The following MACROD2 variants were observed in gnomAD, a reference collection of about 807,000 sequenced individuals.
The protein encoded by MACROD2 is mono-ADP ribosylhydrolase 2.
MACROD2 carries 36 observed loss-of-function variants against 70.4 expected under a neutral mutation model. The observed-to-expected ratio is 0.51, with a 90% CI of 0.39 to 0.68. The LOEUF is 0.68. MACROD2 is among the 30% of genes least tolerant of loss of function. The probability of loss-of-function intolerance (pLI) is 0.00; values close to 1 mark genes in which losing one functional copy is unlikely to be tolerated. For synonymous variants in MACROD2, 172 were observed against 178.8 expected (o/e 0.96, Z 0.30); for missense variants, 496 against 538.4 (o/e 0.92, Z 0.78).
At chr20:15,150,062 T>C (rs1054798146) in intron 5 of MACROD2, among the ~76,000 whole-genome samples, 1 of 151,958 alleles carries the variant, frequency 6.6e-6, no homozygotes, top group Non-Finnish European at 1.5e-5. Flanking sequence ...GAAGGTGCTG[T>C]AGTTTGAGAG....
chr20:15,716,933 C>T (rs976784996), intron 8 of MACROD2, among the ~76,000 whole-genome samples: 2 of 152,122 alleles, frequency 1.3e-5, no homozygotes, highest in African/African-American at 4.8e-5. Context: ...GTTCCATGAC[C>T]TGCTCACACT....
chr20:15,099,511 G>A (rs1330496265), intron 5 of MACROD2, among the ~76,000 whole-genome samples: 1 of 152,198 alleles, frequency 6.6e-6, no homozygotes, highest in East Asian at 1.9e-4. Flanking sequence ...ATTTGATCTT[G>A]GATCCCTCAG....
intron 4 of MACROD2, among the ~76,000 whole-genome samples, chr20:14,606,663 C>T (rs1297662327): frequency 1.3e-5 from 2 of 152,002 alleles, no homozygotes; most frequent in Admixed American, 1.3e-4. Flanking sequence ...TTTTCTGTAC[C>T]AATAATAACT....
At chr20:14,237,220 A>G (rs2081883602) in intron 3 of MACROD2, among the ~76,000 whole-genome samples, 1 of 152,010 alleles carries the variant, frequency 6.6e-6, no homozygotes, top group Non-Finnish European at 1.5e-5. Context: ...GTTGTTATGG[A>G]ATTTCATTAC....
chr20:15,571,471 C>T (rs2048375462), intron 8 of MACROD2, among the ~76,000 whole-genome samples: 1 of 151,760 alleles, frequency 6.6e-6, no homozygotes, highest in South Asian at 2.1e-4. Context: ...ATACACCCTA[C>T]TAATTGCATT....
intron 5 of MACROD2, among the ~76,000 whole-genome samples, chr20:14,741,214 C>A (rs186691023): frequency 6.6e-6 from 1 of 152,230 alleles, no homozygotes; most frequent in African/African-American, 2.4e-5. Flanking sequence ...ATTGTATGTG[C>A]AAAATTATTA....
At chr20:15,619,226 C>T (rs1413196179) in intron 8 of MACROD2, among the ~76,000 whole-genome samples, 1 of 152,194 alleles carries the variant, frequency 6.6e-6, no homozygotes, top group Non-Finnish European at 1.5e-5. Flanking sequence ...GCATTCCAGT[C>T]CCTAAGCAAG....
At chr20:14,532,384 ATTT>A (rs554244215) in intron 4 of MACROD2, among the ~76,000 whole-genome samples, 1 of 141,510 alleles carries the variant, frequency 7.1e-6, no homozygotes, top group Admixed American at 7.1e-5. Flanking sequence ...TGCCCGGCTA[ATTT>A]TTTTTTTTTT....
intron 5 of MACROD2, among the ~76,000 whole-genome samples, chr20:14,892,106 A>T (rs2073768676): frequency 1.3e-5 from 2 of 152,176 alleles, no homozygotes; most frequent in Non-Finnish European, 2.9e-5. Flanking sequence ...TTTTCATGAC[A>T]TACCAAACTA....
chr20:15,459,585 A>G (rs1459229924), intron 7 of MACROD2, among the ~76,000 whole-genome samples: 1 of 152,070 alleles, frequency 6.6e-6, no homozygotes, highest in Admixed American at 6.6e-5. Flanking sequence ...CTAAAGAATT[A>G]CGGCTGCCTG....
intron 3 of MACROD2, among the ~76,000 whole-genome samples, chr20:14,417,047 TATCTATCTATCTATCTATC>T (rs201221219): frequency 0.22 from 28,821 of 130,636 alleles, 3,127 homozygotes; most frequent in East Asian, 0.45. Flanking sequence ...ATCTATCTAT[TATCTATCTATCTATCTATC>T]ATCTATCTAT....
intron 5 of MACROD2, among the ~76,000 whole-genome samples, chr20:14,944,708 G>T (rs2074416408): frequency 6.6e-6 from 1 of 152,170 alleles, no homozygotes. Flanking sequence ...ATTCCTGGTG[G>T]CTTGAGAACC....
chr20:14,744,872 T>C (rs1177619365), intron 5 of MACROD2, among the ~76,000 whole-genome samples: 2 of 152,164 alleles, frequency 1.3e-5, no homozygotes, highest in East Asian at 3.8e-4. Context: ...TGGTACAGAC[T>C]GGAAGAACTA....
At chr20:14,494,387 G>A (rs426611) in intron 4 of MACROD2, among the ~76,000 whole-genome samples, 67,404 of 151,906 alleles carry the variant, frequency 0.44, 16,131 homozygotes, top group African/African-American at 0.63. Flanking sequence ...TGGAAATTAA[G>A]CATTTAACCT....
chr20:15,649,239 T>TGTG (rs2049607519), intron 8 of MACROD2, among the ~76,000 whole-genome samples: 1 of 89,650 alleles, frequency 1.1e-5, no homozygotes, highest in African/African-American at 4.5e-5. Flanking sequence ...TCTTTCTTTC[T>TGTG]TTCTTTCTTC....
At chr20:14,904,171 G>A (rs2073931602) in intron 5 of MACROD2, among the ~76,000 whole-genome samples, 1 of 152,124 alleles carries the variant, frequency 6.6e-6, no homozygotes, top group Non-Finnish European at 1.5e-5. Context: ...TTGGTTCTTG[G>A]ATATAGTTAG....
intron 5 of MACROD2, among the ~76,000 whole-genome samples, chr20:15,155,334 C>T (rs2076299600): frequency 6.6e-6 from 1 of 152,122 alleles, no homozygotes; most frequent in Non-Finnish European, 1.5e-5. Flanking sequence ...CTGGCCCTTG[C>T]CTCCCTTCCA....
At chr20:15,704,482 A>G (rs548755091) in intron 8 of MACROD2, among the ~76,000 whole-genome samples, 1 of 152,234 alleles carries the variant, frequency 6.6e-6, no homozygotes, top group Non-Finnish European at 1.5e-5. Flanking sequence ...TAGTATGAGT[A>G]ATATTAATAT....
chr20:14,698,798 A>T (rs1348193904), intron 5 of MACROD2, among the ~76,000 whole-genome samples: 1 of 149,230 alleles, frequency 6.7e-6, no homozygotes, highest in Non-Finnish European at 1.5e-5. Context: ...ACATTTAATT[A>T]TTTTAATAAA....
Sources: allele counts gnomAD v4.1 joint callset (sites outside exome capture counted in the v4.1 genomes callset), GRCh38; gene constraint gnomAD v4.1.1; transcripts MANE v1.5; gene names NCBI Gene and HGNC (gene_info 2026-07-23, HGNC 2026-07-21).